BCAR3: variants seen among roughly 807,000 people sequenced by gnomAD.
BCAR3 encodes BCAR3 adaptor protein, NSP family member, also known as breast cancer anti-estrogen resistance protein 3.
BCAR3 carries 37 observed loss-of-function variants against 80.1 expected under a neutral mutation model. The observed-to-expected ratio is 0.46, with a 90% CI of 0.36 to 0.61. BCAR3 has a LOEUF of 0.61. Among genes scored for constraint, BCAR3 ranks in the 20% least tolerant of loss-of-function variants. The pLI is 0.00. For synonymous variants in BCAR3, 389 were observed against 418.9 expected, an observed-to-expected ratio of 0.93 and a Z score of 0.87; for missense variants, 978 against 1,068.2, an observed-to-expected ratio of 0.92 and a Z score of 1.18.
At chr1:93,572,125 G>A (rs536083145) in intron 8 of BCAR3, among the ~76,000 whole-genome samples, 14 of 152,312 alleles carry the variant, frequency 9.2e-5, no homozygotes, top group Non-Finnish European at 2.1e-4. Flanking sequence ...CAAAGAGGGA[G>A]CTCCTGGGGC....
intron 3 of BCAR3, among the ~76,000 whole-genome samples, chr1:93,618,633 A>T (rs1675211041): frequency 6.6e-6 from 1 of 152,166 alleles, no homozygotes; most frequent in Non-Finnish European, 1.5e-5. Flanking sequence ...TCCTGGTGTC[A>T]CCCCAGAAAT....
rs137887386 is a variant in BCAR3 at position 93,715,842 on chromosome 1, C to T, written c.-62-9700G>A. 2.0e-5 allele frequency among the ~76,000 whole-genome samples: 3 copies of T among 152,310 alleles called. No individual in the cohort carries two copies. In the East Asian group the frequency reaches 5.8e-4, roughly 29 times the overall value. Reference sequence around the variant, plus strand: ...ACCGAGATAAAAGCTGTAGGCTTGGCCTTGACGTTGCCCTTTTTCAATTTC... The same window carrying T: ...ACCGAGATAAAAGCTGTAGGCTTGGTCTTGACGTTGCCCTTTTTCAATTTC... On this transcript the variant is annotated intron_variant, in intron 2 of 13. Transcript: ENST00000370244.
chr1:93,599,459 T>C (rs1674549442), intron 3 of BCAR3: 2 of 152,230 alleles, frequency 1.3e-5, no homozygotes, highest in South Asian at 4.1e-4. Context: ...AGGGACTGGC[T>C]GAGGGCAGCC....
chr1:93,619,020 C>G (rs1482778297), intron 3 of BCAR3, among the ~76,000 whole-genome samples: 2 of 150,982 alleles, frequency 1.3e-5, no homozygotes, highest in African/African-American at 4.9e-5. Flanking sequence ...CTCACTGCAA[C>G]CTCTGCCTCC....
intron 3 of BCAR3, 62 bp downstream of exon 3, chr1:93,642,242 T>C (rs754578268): frequency 7.1e-6 from 11 of 1,542,358 alleles, no homozygotes; most frequent in Non-Finnish European, 9.9e-6. Context: ...AGCAACTCTG[T>C]GTTCCAAATG....
chr1:93,763,942 G>T (rs911195611), intron 2 of BCAR3, among the ~76,000 whole-genome samples: 12 of 152,136 alleles, frequency 7.9e-5, no homozygotes, highest in African/African-American at 2.9e-4. Flanking sequence ...ACCACTGATG[G>T]GATCCAGCTC....
intron 3 of BCAR3, among the ~76,000 whole-genome samples, chr1:93,703,386 A>G (rs1337866252): frequency 6.6e-6 from 1 of 152,116 alleles, no homozygotes; most frequent in Non-Finnish European, 1.5e-5. Flanking sequence ...CCAGCCTGGG[A>G]AACAAAGCAA....
In BCAR3 at chr1:93,703,921, T is replaced by C. The variant is rs561657593; in HGVS notation, c.-12+2171A>G. On this transcript the variant is annotated intron_variant, in intron 3 of 13. Transcript: ENST00000370244. Reference sequence around the variant, plus strand: ...TAATGGCTACAGCCAGACTATCTAATACAGGAGCCACATGTGGTTATTTAC... The same window carrying C: ...TAATGGCTACAGCCAGACTATCTAACACAGGAGCCACATGTGGTTATTTAC... 3.9e-5 allele frequency among the ~76,000 whole-genome samples: 6 copies of C among 152,348 alleles called. No individual in the cohort carries two copies. The South Asian group carries it at 6.2e-4, about 16-fold the overall frequency.
intron 2 of BCAR3, among the ~76,000 whole-genome samples, chr1:93,809,574 T>G (rs1653759646): frequency 6.6e-6 from 1 of 151,384 alleles, no homozygotes; most frequent in African/African-American, 2.4e-5. Flanking sequence ...TTGAGACCAC[T>G]CTGACCAACA....
chr1:93,589,821 G>T (rs1378302409), intron 4 of BCAR3, among the ~76,000 whole-genome samples: 1 of 152,228 alleles, frequency 6.6e-6, no homozygotes, highest in Non-Finnish European at 1.5e-5. Flanking sequence ...GATGAGGGCT[G>T]TCCAGTAAAA....
intron 3 of BCAR3, among the ~76,000 whole-genome samples, chr1:93,619,677 G>A (rs1319857166): frequency 6.6e-6 from 1 of 152,198 alleles, no homozygotes; most frequent in Non-Finnish European, 1.5e-5. Flanking sequence ...TGGGCAGACG[G>A]GCATCTGCGA....
At chr1:93,783,422 G>A (rs1234463656) in intron 2 of BCAR3, among the ~76,000 whole-genome samples, 1 of 152,116 alleles carries the variant, frequency 6.6e-6, no homozygotes, top group Non-Finnish European at 1.5e-5. Flanking sequence ...TCTTGCCCTA[G>A]GCTCATGTGC....
At chr1:93,617,822 T>A (rs768859587) in intron 3 of BCAR3, among the ~76,000 whole-genome samples, 30 of 152,146 alleles carry the variant, frequency 2.0e-4, no homozygotes, top group Non-Finnish European at 4.0e-4. Flanking sequence ...GGCGTCACGG[T>A]GAGGACAGCC....
At chr1:93,789,942 T>C (rs1417984024) in intron 2 of BCAR3, among the ~76,000 whole-genome samples, 1 of 152,184 alleles carries the variant, frequency 6.6e-6, no homozygotes, top group East Asian at 1.9e-4. Flanking sequence ...TGATGTCCTT[T>C]TGTAAGCCTT....
At chr1:93,605,370 G>A (rs1284755496) in intron 3 of BCAR3, 1 of 152,218 alleles carries the variant, frequency 6.6e-6, no homozygotes, top group Non-Finnish European at 1.5e-5. Flanking sequence ...CCATGTCCTC[G>A]AGCGACTTTG....
intron 2 of BCAR3, among the ~76,000 whole-genome samples, chr1:93,718,042 C>T (rs1017425050): frequency 6.6e-6 from 1 of 152,198 alleles, no homozygotes; most frequent in Non-Finnish European, 1.5e-5. Flanking sequence ...CTGTTTGTCA[C>T]ATTTAATATT....
intron 3 of BCAR3, among the ~76,000 whole-genome samples, chr1:93,697,418 C>T (rs978762937): frequency 1.3e-5 from 2 of 152,278 alleles, no homozygotes; most frequent in South Asian, 4.2e-4. Flanking sequence ...TATAAGACAG[C>T]CTACATGCCC....
intron 2 of BCAR3, among the ~76,000 whole-genome samples, chr1:93,760,369 G>A (rs956052811): frequency 1.3e-5 from 2 of 152,152 alleles, no homozygotes; most frequent in East Asian, 3.9e-4. Flanking sequence ...ATAAAGGTCT[G>A]ACTTCGGGTG....
At chr1:93,815,300 A>C (rs1432353598) in intron 2 of BCAR3, among the ~76,000 whole-genome samples, 1 of 152,218 alleles carries the variant, frequency 6.6e-6, no homozygotes, top group Non-Finnish European at 1.5e-5. Flanking sequence ...CCCAGGGAGA[A>C]GCTCAGAGAC....
Sources: gnomAD v4.1 joint callset for allele counts (sites outside exome capture counted in the v4.1 genomes callset) on GRCh38, gnomAD v4.1.1 for gene constraint, MANE v1.5 for transcripts, NCBI Gene and HGNC (gene_info 2026-07-23, HGNC 2026-07-21) for gene names.